HOMER2: variants seen among roughly 807,000 people sequenced by gnomAD.
HOMER2 encodes homer protein homolog 2.
In HOMER2, 27 loss-of-function variants were observed where a neutral mutation model predicts 47.0. The ratio of observed to expected loss-of-function variants is 0.57; its 90% CI spans 0.42 to 0.79. HOMER2 has a LOEUF of 0.79. Ranked by LOEUF, HOMER2 falls within the 30% of genes least tolerant of loss-of-function variation. The pLI is 0.00. For missense variants in HOMER2, 443 were observed against 435.0 expected, an observed-to-expected ratio of 1.02 and a Z score of -0.16; for synonymous variants, 161 against 163.8, an observed-to-expected ratio of 0.98 and a Z score of 0.13.
At chr15:82,980,024 A>G (rs2151263422) in intron 1 of HOMER2, among the ~76,000 whole-genome samples, 1 of 152,302 alleles carries the variant, frequency 6.6e-6, no homozygotes, top group South Asian at 2.1e-4. Flanking sequence ...GGGGATACCA[A>G]CTTTTAAGTG....
At chr15:82,912,704 C>G (rs1567049926) in intron 1 of HOMER2, among the ~76,000 whole-genome samples, 1 of 152,196 alleles carries the variant, frequency 6.6e-6, no homozygotes, top group Non-Finnish European at 1.5e-5. Context: ...ATGTTCCCAC[C>G]AGCAATGTAT....
chr15:82,834,922 CTTAAAA>C (rs2051107482), downstream of HOMER2: 1 of 145,516 alleles, frequency 6.9e-6, no homozygotes, highest in South Asian at 2.1e-4. Flanking sequence ...GTATTTTCTC[CTTAAAA>C]TTAAATTTTT....
chr15:82,904,116 G>A (rs937212180), intron 1 of HOMER2, among the ~76,000 whole-genome samples: 1 of 152,160 alleles, frequency 6.6e-6, no homozygotes, highest in Non-Finnish European at 1.5e-5. Context: ...CAGCCTGGGC[G>A]ACAGAGTGAG....
chr15:82,942,810 G>A (rs1156991858), intron 1 of HOMER2, among the ~76,000 whole-genome samples: 2 of 152,044 alleles, frequency 1.3e-5, no homozygotes, highest in African/African-American at 2.4e-5. Flanking sequence ...TCTGGCTGGC[G>A]ACATTCCTCC....
chr15:82,908,261 G>A (rs1263358041), intron 1 of HOMER2, among the ~76,000 whole-genome samples: 1 of 152,098 alleles, frequency 6.6e-6, no homozygotes, highest in African/African-American at 2.4e-5. Context: ...TATAATGAAT[G>A]TATATTATGT....
chr15:82,933,151 C>T (rs1303053994), intron 1 of HOMER2, among the ~76,000 whole-genome samples: 3 of 151,886 alleles, frequency 2.0e-5, no homozygotes, highest in Non-Finnish European at 4.4e-5. Flanking sequence ...ACTATGGACA[C>T]CCTCCCCAGA....
chr15:82,971,386 C>T (rs1596388406), intron 1 of HOMER2, among the ~76,000 whole-genome samples: 1 of 150,576 alleles, frequency 6.6e-6, no homozygotes, highest in African/African-American at 2.4e-5. Context: ...AGAGAGATAG[C>T]GAGAGAGAGA....
intron 1 of HOMER2, among the ~76,000 whole-genome samples, chr15:82,929,653 CAAAAAAA>C (rs373315567): frequency 4.5e-4 from 41 of 90,990 alleles, no homozygotes; most frequent in African/African-American, 1.3e-3. Flanking sequence ...GTGAGACTAT[CAAAAAAA>C]AAAAAAAAAA....
chr15:82,972,958 C>T (rs2030047522), intron 1 of HOMER2, among the ~76,000 whole-genome samples: 1 of 152,168 alleles, frequency 6.6e-6, no homozygotes, highest in Non-Finnish European at 1.5e-5. Context: ...GAGTATACCT[C>T]CATGAGGTAC....
intron 1 of HOMER2, among the ~76,000 whole-genome samples, chr15:82,968,812 G>T (rs1237915513): frequency 6.6e-6 from 1 of 152,192 alleles, no homozygotes; most frequent in Non-Finnish European, 1.5e-5. Flanking sequence ...GAGGGAGTGT[G>T]GAGACAAACT....
chr15:82,870,946 C>G (rs1377068364), intron 3 of HOMER2, among the ~76,000 whole-genome samples: 1 of 152,240 alleles, frequency 6.6e-6, no homozygotes, highest in Non-Finnish European at 1.5e-5. Context: ...ACAGTGACAA[C>G]TCGAGGTCAA....
At chr15:82,856,792 G>A (rs576252141) in intron 5 of HOMER2, among the ~76,000 whole-genome samples, 5 of 152,248 alleles carry the variant, frequency 3.3e-5, no homozygotes, top group Admixed American at 6.5e-5. Flanking sequence ...GATCACAGCC[G>A]GGCCAGCTGA....
chr15:82,893,328 TC>T (rs1438020085), intron 1 of HOMER2, among the ~76,000 whole-genome samples: 11 of 132,502 alleles, frequency 8.3e-5, no homozygotes, highest in African/African-American at 3.2e-4. Context: ...CATAATTTTA[TC>T]TTTTTTTTTT....
At chr15:82,921,940 T>C (rs1232103682) in intron 1 of HOMER2, among the ~76,000 whole-genome samples, 5 of 152,254 alleles carry the variant, frequency 3.3e-5, no homozygotes, top group African/African-American at 1.2e-4. Flanking sequence ...CTTATTATCA[T>C]TTTAATGGGT....
intron 2 of HOMER2, among the ~76,000 whole-genome samples, 163 bp from the exon 3 acceptor site, chr15:82,875,567 G>A (rs2052323164): frequency 6.6e-6 from 1 of 152,158 alleles, no homozygotes; most frequent in Non-Finnish European, 1.5e-5. Flanking sequence ...TGAGTCAGAT[G>A]AACAACCCAT....
upstream of HOMER2, among the ~76,000 whole-genome samples, chr15:82,956,236 T>C (rs757386396): frequency 2.9e-4 from 34 of 116,392 alleles, no homozygotes; most frequent in Non-Finnish European, 4.7e-4. Flanking sequence ...TGAGACTCCA[T>C]CTCAAAAAAA....
chr15:82,881,089 TA>T, intron 2 of HOMER2, among the ~76,000 whole-genome samples: 1 of 152,214 alleles, frequency 6.6e-6, no homozygotes. Flanking sequence ...ACCCCAGGCA[TA>T]AGCTTCATAC....
intron 3 of HOMER2, among the ~76,000 whole-genome samples, chr15:82,869,176 C>T (rs1176635174): frequency 6.6e-6 from 1 of 152,128 alleles, no homozygotes; most frequent in Non-Finnish European, 1.5e-5. Context: ...AAGCTGTTTT[C>T]TTCTACCACC....
At chr15:82,851,615 G>A (rs977644026) in intron 7 of HOMER2, among the ~76,000 whole-genome samples, 2 of 152,266 alleles carry the variant, frequency 1.3e-5, no homozygotes, top group African/African-American at 2.4e-5. Context: ...GGCTGGCGCC[G>A]GGAGCTGGGC....
Sources: allele counts gnomAD v4.1 joint callset (sites outside exome capture counted in the v4.1 genomes callset), GRCh38; gene constraint gnomAD v4.1.1; transcripts MANE v1.5; gene names NCBI Gene and HGNC (gene_info 2026-07-23, HGNC 2026-07-21).